Variants in COL21A1 observed in about 807,000 individuals in gnomAD.
COL21A1 encodes the protein collagen type XXI alpha 1 chain, also known as collagen alpha-1(XXI) chain.
In COL21A1, 149 loss-of-function variants were observed where a neutral mutation model predicts 137.9. That is an observed-to-expected ratio of 1.08 (90% confidence interval 0.95 to 1.24). COL21A1 has a LOEUF of 1.24. Ranked by LOEUF, COL21A1 falls within the 50% of genes most tolerant of loss-of-function variation. The pLI, the probability that COL21A1 is intolerant of heterozygous loss-of-function variation, is 0.00. For synonymous variants in COL21A1, 456 were observed against 391.5 expected, an observed-to-expected ratio of 1.16 and a Z score of -1.95; for missense variants, 1,167 against 1,158.4, an observed-to-expected ratio of 1.01 and a Z score of -0.11.
intron 1 of COL21A1, among the ~76,000 whole-genome samples, chr6:56,235,274 T>C (rs1244672466): frequency 6.6e-6 from 1 of 151,910 alleles, no homozygotes; most frequent in Non-Finnish European, 1.5e-5. Flanking sequence ...GCCTGAAGTT[T>C]AAAAACAATT....
intron 10 of COL21A1, among the ~76,000 whole-genome samples, chr6:56,154,988 A>T (rs1165263585): frequency 6.6e-6 from 1 of 151,916 alleles, no homozygotes; most frequent in Non-Finnish European, 1.5e-5. Flanking sequence ...TGTCATGGGG[A>T]TTTGTTGCAC....
At chr6:56,142,362 C>T (rs532253538) in intron 10 of COL21A1, among the ~76,000 whole-genome samples, 1 of 152,080 alleles carries the variant, frequency 6.6e-6, no homozygotes, top group African/African-American at 2.4e-5. Flanking sequence ...TTGTAAACCA[C>T]CTAATTAATG....
In COL21A1 at chr6:56,057,411, A is replaced by T; in HGVS notation, c.*246T>A. ...ATTTTTATATTCAACTTTGATTAAC[A>T]TAAATGGACTTTACAAGAAACCCTT... On this transcript the variant is annotated 3_prime_UTR_variant, in exon 30 of 30. Transcript: ENST00000244728. 2.2e-6 allele frequency: 1 copy of T among 452,360 alleles called. No homozygotes were observed. Among genetic ancestry groups the T allele is most frequent in the Non-Finnish European group, 3.9e-6 (1 of 258,286 alleles). 28.0% of individuals were successfully genotyped at this position (452,360 alleles called of 1,614,324 possible). A position where few individuals can be genotyped will look rare whatever the true frequency, so the allele number is the denominator to read the frequency against.
At chr6:56,189,559 A>G (rs2042471228) in intron 1 of COL21A1, among the ~76,000 whole-genome samples, 1 of 152,246 alleles carries the variant, frequency 6.6e-6, no homozygotes, top group Non-Finnish European at 1.5e-5. Flanking sequence ...GATATTTTCC[A>G]GGAGAACTTC....
chr6:56,162,420 T>C (rs1776262115), intron 9 of COL21A1, among the ~76,000 whole-genome samples: 1 of 152,152 alleles, frequency 6.6e-6, no homozygotes, highest in Admixed American at 6.5e-5. Context: ...CACATGAAAC[T>C]TGGAAATATT....
In COL21A1 at chr6:56,318,877, G is replaced by T. The variant is rs553117593; in HGVS notation, c.-39+75094C>A. On this transcript the variant is annotated intron_variant, in intron 1 of 28. Coordinates refer to the COL21A1 transcript ENST00000370819. ...TTTTTCAGTAAAACTTCTTCAAACT[G>T]TCTGTACCTATTGTCCAAAATTCCT... 1.1e-3 allele frequency among the ~76,000 whole-genome samples: 164 copies of T among 151,554 alleles called. 7 individuals are homozygous for T. The South Asian group carries it at 0.033, about 30-fold the overall frequency.
chr6:56,123,798 G>A (rs959989089), intron 16 of COL21A1, among the ~76,000 whole-genome samples: 1 of 152,148 alleles, frequency 6.6e-6, no homozygotes, highest in Non-Finnish European at 1.5e-5. Flanking sequence ...TTTCTAACCT[G>A]CCAAATAAAC....
chr6:56,364,653 G>T (rs756099268), intron 1 of COL21A1, among the ~76,000 whole-genome samples: 2 of 151,676 alleles, frequency 1.3e-5, no homozygotes, highest in Non-Finnish European at 2.9e-5. Flanking sequence ...ATTTTATCTT[G>T]CCTGGCTTTA....
chr6:56,069,651 C>T (rs1376470456), intron 21 of COL21A1, among the ~76,000 whole-genome samples: 1 of 148,146 alleles, frequency 6.8e-6, no homozygotes, highest in Non-Finnish European at 1.5e-5. Flanking sequence ...AAAATGTGCT[C>T]ATATACATGC....
At chr6:56,290,914 G>A (rs1582759806) in intron 1 of COL21A1, among the ~76,000 whole-genome samples, 2 of 152,250 alleles carry the variant, frequency 1.3e-5, no homozygotes, top group South Asian at 4.1e-4. Context: ...AAGCTCCCAG[G>A]TGATTCAAAT....
At chr6:56,332,967 C>T (rs1439264409) in intron 1 of COL21A1, among the ~76,000 whole-genome samples, 1 of 151,920 alleles carries the variant, frequency 6.6e-6, no homozygotes, top group Admixed American at 6.6e-5. Context: ...TGTCATTTTT[C>T]ATTTAGTTTT....
intron 16 of COL21A1, among the ~76,000 whole-genome samples, chr6:56,114,490 A>G (rs927081661): frequency 2.6e-5 from 4 of 152,118 alleles, no homozygotes; most frequent in Non-Finnish European, 5.9e-5. Flanking sequence ...AAAACAAACA[A>G]CCCCATCAAA....
At chr6:56,147,924 A>T (rs980442580) in intron 10 of COL21A1, among the ~76,000 whole-genome samples, 3 of 152,028 alleles carry the variant, frequency 2.0e-5, no homozygotes, top group African/African-American at 7.2e-5. Context: ...TCATTCTTGA[A>T]TATCTGAAAA....
chr6:56,340,544 C>G (rs978776011), intron 1 of COL21A1, among the ~76,000 whole-genome samples: 1 of 152,116 alleles, frequency 6.6e-6, no homozygotes, highest in African/African-American at 2.4e-5. Context: ...CCAGCTAGGT[C>G]TAAGGACTAG....
At chr6:56,219,693 T>G (rs1223488195) in intron 1 of COL21A1, among the ~76,000 whole-genome samples, 1 of 152,182 alleles carries the variant, frequency 6.6e-6, no homozygotes, top group Non-Finnish European at 1.5e-5. Flanking sequence ...ATGATACACA[T>G]CAATTATCAT....
intron 1 of COL21A1, among the ~76,000 whole-genome samples, chr6:56,356,460 C>G (rs141279705): frequency 0.011 from 1,683 of 152,322 alleles, 14 homozygotes; most frequent in Admixed American, 0.015. Context: ...AAAGATATTA[C>G]TTCTACCCAA....
chr6:56,112,111 T>A (rs563969819), intron 16 of COL21A1, among the ~76,000 whole-genome samples: 1 of 152,138 alleles, frequency 6.6e-6, no homozygotes, highest in Admixed American at 6.5e-5. Context: ...TGGAATGGAA[T>A]TGAGAATCTA....
chr6:56,358,619 T>A (rs1279021523), intron 1 of COL21A1, among the ~76,000 whole-genome samples: 1 of 152,214 alleles, frequency 6.6e-6, no homozygotes, highest in African/African-American at 2.4e-5. Context: ...ATTCTGTATG[T>A]TTTTAAGCTT....
intron 12 of COL21A1, among the ~76,000 whole-genome samples, chr6:56,141,247 C>G (rs551739016): frequency 1.3e-5 from 2 of 152,256 alleles, no homozygotes; most frequent in South Asian, 4.1e-4. Context: ...TAATGGAATA[C>G]TATTCAGCTA....
Sources: gnomAD v4.1 joint callset for allele counts (sites outside exome capture counted in the v4.1 genomes callset) on GRCh38, gnomAD v4.1.1 for gene constraint, MANE v1.5 for transcripts, NCBI Gene and HGNC (gene_info 2026-07-23, HGNC 2026-07-21) for gene names.